The following CDK19 variants were observed in gnomAD, a reference collection of about 807,000 sequenced individuals.
CDK19 encodes the protein cyclin-dependent kinase 19.
Under a neutral mutation model 68.3 loss-of-function variants are expected in CDK19, and 20 were observed. That is an observed-to-expected ratio of 0.29 (90% confidence interval 0.21 to 0.43). CDK19 has a LOEUF of 0.43. CDK19 is among the 20% of genes least tolerant of loss of function. The pLI is 1.00. For synonymous variants in CDK19, 221 were observed against 222.8 expected (o/e 0.99, Z 0.07); for missense variants, 339 against 623.5 (o/e 0.54, Z 4.86).
intron 4 of CDK19, among the ~76,000 whole-genome samples, chr6:110,661,206 G>A (rs1333194691): frequency 6.6e-6 from 1 of 152,176 alleles, no homozygotes; most frequent in East Asian, 1.9e-4. Flanking sequence ...TCAATGTACT[G>A]ATCTTTCGAC....
At position 110,667,313 on chromosome 6, in the gene CDK19, T is replaced by G. The variant is rs907077859; in HGVS notation, c.456+121A>C. 27 of 617,048 alleles carry G rather than the reference T, an allele frequency of 4.4e-5. 1 individual carries two copies. Among genetic ancestry groups the G allele is most frequent in the South Asian group, 7.5e-5 (3 of 39,760 alleles). The allele number at this position is 617,048 out of a possible 1,614,324, so 38.2% of individuals were successfully genotyped here. ...GGGTGATTTTTATCTTCTTTTTTGC[T>G]TATGTATATTTTCAAGTTTTTCTAT... is the stretch of plus-strand genomic sequence containing the variant. On this transcript the variant is annotated intron_variant, in intron 4 of 12. Transcript: ENST00000368911.
chr6:110,805,663 T>G (rs1458630986), intron 1 of CDK19, among the ~76,000 whole-genome samples: 1 of 152,080 alleles, frequency 6.6e-6, no homozygotes, highest in African/African-American at 2.4e-5. Flanking sequence ...TTCAAACTCC[T>G]GCTGTTCAAC....
In CDK19 at chr6:110,815,205, C is replaced by A; in HGVS notation, c.-69G>T. On this transcript the variant is annotated 5_prime_UTR_variant, in exon 1 of 13. Coordinates refer to ENST00000368911, the MANE Select transcript of CDK19 (RefSeq NM_015076.5). ...CGCTCAGTCCCTCCTCCTCCTCCCCCCGCGACCGCCGCTCCACTTCTCCAA... is the reference window on the plus strand; with the variant it reads ...CGCTCAGTCCCTCCTCCTCCTCCCCACGCGACCGCCGCTCCACTTCTCCAA... 1 of 1,449,734 alleles carries A rather than the reference C, an allele frequency of 6.9e-7. No homozygotes were observed. The highest frequency in any genetic ancestry group is 9.1e-7 in the Non-Finnish European group (1 of 1,097,168). The allele number at this position is 1,449,734 out of a possible 1,614,324, so 89.8% of individuals were successfully genotyped here. A position where few individuals can be genotyped will look rare whatever the true frequency, so the allele number is the denominator to read the frequency against.
chr6:110,624,584 C>G (rs1778968122), intron 8 of CDK19, among the ~76,000 whole-genome samples: 1 of 152,078 alleles, frequency 6.6e-6, no homozygotes, highest in South Asian at 2.1e-4. Context: ...ATGGTATAAA[C>G]ACAGGAATTT....
chr6:110,771,099 C>G (rs1172880802), intron 1 of CDK19, among the ~76,000 whole-genome samples: 4 of 152,158 alleles, frequency 2.6e-5, no homozygotes, highest in Admixed American at 6.5e-5. Flanking sequence ...GTCAGTGGAT[C>G]TACCATTTTG....
chr6:110,690,176 A>G (rs538892224), intron 2 of CDK19, among the ~76,000 whole-genome samples: 1 of 152,320 alleles, frequency 6.6e-6, no homozygotes, highest in East Asian at 1.9e-4. Context: ...GTGCACCTAT[A>G]GACAGCCTTT....
At chr6:110,653,565 TG>T (rs2114285085) in intron 4 of CDK19, among the ~76,000 whole-genome samples, 1 of 152,338 alleles carries the variant, frequency 6.6e-6, no homozygotes, top group East Asian at 1.9e-4. Flanking sequence ...TTGCACACTT[TG>T]GTTACCATAG....
intron 2 of CDK19, among the ~76,000 whole-genome samples, chr6:110,739,505 C>T (rs1448639327): frequency 6.6e-6 from 1 of 152,162 alleles, no homozygotes; most frequent in Non-Finnish European, 1.5e-5. Flanking sequence ...AAGACACCTC[C>T]TCAACCTATG....
At position 110,622,214 on chromosome 6, in the gene CDK19, A is replaced by T. The variant is rs746855874; in HGVS notation, c.1032-48T>A. 23 of 1,205,814 alleles carry T rather than the reference A, an allele frequency of 1.9e-5. No individual in the cohort carries two copies. The African/African-American group carries it at 3.0e-4, about 16-fold the overall frequency. The allele number at this position is 1,205,814 out of a possible 1,614,324, so 74.7% of individuals were successfully genotyped here. On this transcript the variant is annotated intron_variant, in intron 10 of 12. Coordinates refer to ENST00000368911, the MANE Select transcript of CDK19 (RefSeq NM_015076.5). ...AACATATCATGATCTAAAATCTGTA[A>T]TATCATTACCTTGTTAATTTAAAAT...
chr6:110,787,303 G>A (rs1781290580), intron 1 of CDK19, among the ~76,000 whole-genome samples: 1 of 152,286 alleles, frequency 6.6e-6, no homozygotes, highest in Non-Finnish European at 1.5e-5. Context: ...GAACCTGGGA[G>A]GCAGAGTTTG....
intron 1 of CDK19, chr6:110,813,214 C>A (rs1330695360): frequency 6.6e-6 from 1 of 151,858 alleles, no homozygotes; most frequent in African/African-American, 2.4e-5. Context: ...AGAATAGAAG[C>A]AAGAATTATC....
At chr6:110,814,632 C>T in intron 1 of CDK19, 1 of 479,654 alleles carries the variant, frequency 2.1e-6, no homozygotes, top group Middle Eastern at 3.1e-4. Context: ...TACCCAGGGC[C>T]GGAGCGGCAA....
intron 2 of CDK19, among the ~76,000 whole-genome samples, chr6:110,722,537 TAA>T (rs76359675): frequency 1.5e-4 from 20 of 134,262 alleles, no homozygotes; most frequent in South Asian, 2.3e-4. Context: ...CATCTTTGTT[TAA>T]AAAAAAAAAA....
chr6:110,733,714 C>G (rs973826229), intron 2 of CDK19, among the ~76,000 whole-genome samples: 6 of 151,632 alleles, frequency 4.0e-5, no homozygotes, highest in Admixed American at 2.0e-4. Flanking sequence ...ATCGCTAAAA[C>G]ACAAAAAACA....
intron 4 of CDK19, chr6:110,643,451 G>A (rs1780335434): frequency 6.6e-6 from 1 of 152,190 alleles, no homozygotes; most frequent in Non-Finnish European, 1.5e-5. Context: ...ACCAGGCATA[G>A]AAAGACAAAC....
intron 2 of CDK19, chr6:110,700,860 C>G (rs547571111): frequency 5.6e-5 from 10 of 177,742 alleles, no homozygotes; most frequent in Non-Finnish European, 1.1e-4. Flanking sequence ...ATCAGTGTTG[C>G]GCCAGGAATC....
At chr6:110,769,068 T>C (rs530481338) in intron 1 of CDK19, among the ~76,000 whole-genome samples, 6 of 147,588 alleles carry the variant, frequency 4.1e-5, no homozygotes, top group East Asian at 2.1e-4. Context: ...GGCAGGAGAA[T>C]TGCTTGAACC....
chr6:110,755,478 T>A (rs1778774744), intron 1 of CDK19, among the ~76,000 whole-genome samples: 2 of 152,156 alleles, frequency 1.3e-5, no homozygotes, highest in Admixed American at 1.3e-4. Context: ...AGACAGGGAC[T>A]GCTATCAGGT....
chr6:110,697,791 A>G (rs1244204575), intron 2 of CDK19, among the ~76,000 whole-genome samples: 1 of 152,252 alleles, frequency 6.6e-6, no homozygotes, highest in Non-Finnish European at 1.5e-5. Context: ...TTACCAGAAC[A>G]GCATGGTACT....
Sources: allele counts gnomAD v4.1 joint callset (sites outside exome capture counted in the v4.1 genomes callset), GRCh38; gene constraint gnomAD v4.1.1; transcripts MANE v1.5; gene names NCBI Gene and HGNC (gene_info 2026-07-23, HGNC 2026-07-21).